Variants in ENPP1 observed in about 807,000 individuals in gnomAD.
ENPP1 encodes ectonucleotide pyrophosphatase/phosphodiesterase 1.
In ENPP1, 73 loss-of-function variants were observed where a neutral mutation model predicts 122.8. The observed-to-expected ratio is 0.59, with a 90% confidence interval of 0.49 to 0.72. The LOEUF (loss-of-function observed/expected upper bound fraction) is 0.72. ENPP1 is among the 30% of genes least tolerant of loss of function. The pLI is 0.00. For missense variants in ENPP1, 978 were observed against 1,128.1 expected (o/e 0.87, Z 1.91); for synonymous variants, 367 against 391.6 (o/e 0.94, Z 0.74).
At chr6:131,815,864 C>G (rs1029916447) in intron 1 of ENPP1, among the ~76,000 whole-genome samples, 1 of 145,774 alleles carries the variant, frequency 6.9e-6, no homozygotes, top group African/African-American at 2.6e-5. Flanking sequence ...ACCACCACAC[C>G]TGGCTAATTT....
At chr6:131,861,547 G>A (rs1432650318) in intron 8 of ENPP1, 48 bp from the exon 9 acceptor site, 1 of 1,174,514 alleles carries the variant, frequency 8.5e-7, no homozygotes. Context: ...TTTCCTAAGA[G>A]ATGAATGTTT....
intron 1 of ENPP1, among the ~76,000 whole-genome samples, chr6:131,814,602 T>G (rs1453253973): frequency 1.3e-5 from 2 of 152,194 alleles, no homozygotes; most frequent in African/African-American, 4.8e-5. Flanking sequence ...TTTCCTTCCC[T>G]TATGATCCAT....
chr6:131,819,195 A>G (rs1781454282), intron 1 of ENPP1, among the ~76,000 whole-genome samples: 1 of 152,212 alleles, frequency 6.6e-6, no homozygotes, highest in South Asian at 2.1e-4. Context: ...AAAATTATGC[A>G]TTGGTATAAT....
chr6:131,869,282 T>G, intron 12 of ENPP1, 76 bp from the exon 13 acceptor site: 1 of 1,432,458 alleles, frequency 7.0e-7, no homozygotes, highest in Admixed American at 1.7e-5. Flanking sequence ...ACCTTGGAAG[T>G]GAAAGAAGTT....
At chr6:131,878,852 T>C (rs1243830743) in intron 19 of ENPP1, among the ~76,000 whole-genome samples, 3 of 152,216 alleles carry the variant, frequency 2.0e-5, no homozygotes, top group Admixed American at 2.0e-4. Flanking sequence ...GTGAACATGA[T>C]GGAGGTGTTC....
intron 1 of ENPP1, among the ~76,000 whole-genome samples, chr6:131,845,625 T>G (rs1376542840): frequency 6.6e-6 from 1 of 151,646 alleles, no homozygotes; most frequent in Non-Finnish European, 1.5e-5. Flanking sequence ...GCTGGGCTAA[T>G]TTTTTGTATT....
intron 6 of ENPP1, 34 bp downstream of exon 6, chr6:131,855,057 ACC>A: frequency 7.2e-7 from 1 of 1,385,340 alleles, no homozygotes; most frequent in Non-Finnish European, 1.0e-6. Context: ...CTGGAATATC[ACC>A]ATTTCAGTGA....
chr6:131,864,411 T>A, intron 9 of ENPP1, 95 bp from the exon 10 acceptor site: 1 of 781,968 alleles, frequency 1.3e-6, no homozygotes, highest in Non-Finnish European at 2.2e-6. Context: ...AAATAGCATT[T>A]AGTAGCTCTT....
chr6:131,823,581 C>A (rs1781507572), intron 1 of ENPP1, among the ~76,000 whole-genome samples: 1 of 152,014 alleles, frequency 6.6e-6, no homozygotes, highest in Non-Finnish European at 1.5e-5. Flanking sequence ...CTGTTTTCTA[C>A]CCCACCGTGA....
At chr6:131,819,548 T>G (rs1781457918) in intron 1 of ENPP1, among the ~76,000 whole-genome samples, 1 of 152,240 alleles carries the variant, frequency 6.6e-6, no homozygotes, top group Non-Finnish European at 1.5e-5. Context: ...TTATTGAAAC[T>G]ATATTAATAC....
chr6:131,842,571 G>A (rs1781755787), intron 1 of ENPP1, among the ~76,000 whole-genome samples: 2 of 152,070 alleles, frequency 1.3e-5, no homozygotes, highest in African/African-American at 2.4e-5. Context: ...AGAGGGAGAG[G>A]TCCCTTTTTC....
intron 12 of ENPP1, among the ~76,000 whole-genome samples, 189 bp from the exon 13 acceptor site, chr6:131,869,169 A>G (rs1266739336): frequency 6.6e-6 from 1 of 152,216 alleles, no homozygotes; most frequent in Non-Finnish European, 1.5e-5. Context: ...TGGGTGACGG[A>G]AAAGATTTTG....
At chr6:131,886,869 A>G (rs1562186671) in intron 24 of ENPP1, 145 bp downstream of exon 24, 2 of 560,006 alleles carry the variant, frequency 3.6e-6, no homozygotes, top group African/African-American at 3.9e-5. Flanking sequence ...TTTAAATTTG[A>G]TCTTTTAAGA....
In ENPP1 at chr6:131,894,025, C is replaced by A. The variant is rs1252078879; in HGVS notation, c.*3514C>A. On this transcript the variant is annotated 3_prime_UTR_variant, in exon 25 of 25. Coordinates refer to ENST00000647893, the MANE Select transcript of ENPP1 (RefSeq NM_006208.3). ...CTGGAGTGCAGTGGCAAGATCTTGG[C>A]TCACTGCAAGCTCCGCCTCCCAGGT... The A allele has an allele frequency of 2.4e-5, 3 of 124,902 alleles. No individual in the cohort carries two copies. The highest frequency in any genetic ancestry group is 8.8e-5 in the African/African-American group (3 of 33,944). The allele number at this position is 124,902 out of a possible 1,614,324, so 7.7% of individuals were successfully genotyped here.
rs531763915 is a variant in ENPP1 at position 131,830,395 on chromosome 6, T to A, written c.241-17381T>A. On this transcript the variant is annotated intron_variant, in intron 1 of 24. Coordinates refer to ENST00000647893, the MANE Select transcript of ENPP1 (RefSeq NM_006208.3). ...AGAGACTTTGGGCAAAGCGGCTGTC[T>A]TTAGCTGAGACACTCCCTATAGGTG... 2.0e-5 allele frequency among the ~76,000 whole-genome samples: 3 copies of A among 152,164 alleles called. No homozygotes were observed. In the East Asian group the frequency reaches 5.8e-4, roughly 29 times the overall value.
At position 131,883,699 on chromosome 6, in the gene ENPP1, A is replaced by T. The variant is rs144099489; in HGVS notation, c.2236A>T (p.Asn746Tyr). The change falls in exon 22 of 25, where the codon AAT (asparagine) becomes TAT (tyrosine). Residue 746 changes from asparagine to tyrosine, a missense_variant. Asn to Tyr is a moderately radical substitution (Grantham distance 143, BLOSUM62 -2). Transcript: ENST00000647893. Reference protein sequence around the residue: ...SYGFLSPPQLNKNSSGIYSEA... With the variant: ...SYGFLSPPQLYKNSSGIYSEA... ...GTCCTCTTTTCTCTTTGTAGAACTA[A>T]ATAAAAATTCAAGTGGAATATATTC... is the stretch of plus-strand genomic sequence containing the variant. 14 of 1,402,178 alleles carry T rather than the reference A, an allele frequency of 1.0e-5. No homozygotes were observed. The African/African-American group carries it at 1.8e-4, about 18-fold the overall frequency. The allele number at this position is 1,402,178 out of a possible 1,614,324, so 86.9% of individuals were successfully genotyped here.
At chr6:131,867,223 G>A (rs1782102489) in intron 11 of ENPP1, among the ~76,000 whole-genome samples, 1 of 152,190 alleles carries the variant, frequency 6.6e-6, no homozygotes, top group Non-Finnish European at 1.5e-5. Flanking sequence ...TACAGTGAAA[G>A]AGCTTATCTC....
At chr6:131,833,255 G>A (rs1245797500) in intron 1 of ENPP1, among the ~76,000 whole-genome samples, 3 of 151,930 alleles carry the variant, frequency 2.0e-5, no homozygotes, top group Non-Finnish European at 4.4e-5. Flanking sequence ...TGTTCATTTT[G>A]TTGGGTAGGA....
At position 131,894,413 on chromosome 6, in the gene ENPP1, G is replaced by A. The variant is rs371393272; in HGVS notation, c.*3902G>A. The A allele has an allele frequency of 6.6e-6, 1 of 152,616 alleles. No individual in the cohort carries two copies. Among genetic ancestry groups the A allele is most frequent in the South Asian group, 2.1e-4 (1 of 4,816 alleles). 9.5% of individuals were successfully genotyped at this position (152,616 alleles called of 1,614,324 possible). A position where few individuals can be genotyped will look rare whatever the true frequency, so the allele number is the denominator to read the frequency against. On this transcript the variant is annotated 3_prime_UTR_variant, in exon 25 of 25. Transcript: ENST00000647893. ...CAATTCTCCTGCCTCAGCCTCCTGA[G>A]TAGCTGGGATTATAGGCGCATGCCA...
Sources: allele counts gnomAD v4.1 joint callset (sites outside exome capture counted in the v4.1 genomes callset), GRCh38; gene constraint gnomAD v4.1.1; transcripts MANE v1.5; gene names NCBI Gene and HGNC (gene_info 2026-07-23, HGNC 2026-07-21).